Variants in TMEM150C observed in about 807,000 individuals in gnomAD.
The protein encoded by TMEM150C is transmembrane protein 150C.
In TMEM150C, 10 loss-of-function variants were observed where a neutral mutation model predicts 29.9. That is an observed-to-expected ratio of 0.33 (90% confidence interval 0.21 to 0.57). The LOEUF (loss-of-function observed/expected upper bound fraction) is 0.57. TMEM150C is among the 20% of genes least tolerant of loss of function. The pLI is 0.88. For synonymous variants in TMEM150C, 101 were observed against 112.5 expected (o/e 0.90, Z 0.64); for missense variants, 251 against 303.6 (o/e 0.83, Z 1.29).
chr4:82,504,888 G>A (rs1020544718), intron 1 of TMEM150C, among the ~76,000 whole-genome samples: 2 of 152,060 alleles, frequency 1.3e-5, no homozygotes, highest in Admixed American at 6.6e-5. Flanking sequence ...ACAATAGCCG[G>A]GCGTGGTGGC....
rs980317613 is a variant in TMEM150C at position 82,485,302 on chromosome 4, T to C, written c.*209A>G. 6 of 558,432 alleles carry C rather than the reference T, an allele frequency of 1.1e-5. No homozygotes were observed. The highest frequency in any genetic ancestry group is 9.4e-5 in the African/African-American group (5 of 52,912). 34.6% of individuals were successfully genotyped at this position (558,432 alleles called of 1,614,324 possible). A position where few individuals can be genotyped will look rare whatever the true frequency, so the allele number is the denominator to read the frequency against. On this transcript the variant is annotated 3_prime_UTR_variant, in exon 8 of 8. Coordinates refer to ENST00000449862, the MANE Select transcript of TMEM150C (RefSeq NM_001080506.3). ...TGCTCTGTCGTGCATATATTTTCAG[T>C]GTAACAGCGTGTATTTCGACACATA...
At chr4:82,505,773 T>G (rs369892549) in intron 1 of TMEM150C, among the ~76,000 whole-genome samples, 1 of 152,080 alleles carries the variant, frequency 6.6e-6, no homozygotes, top group African/African-American at 2.4e-5. Context: ...TACAAAAATA[T>G]AGAAATAAAA....
chr4:82,538,295 T>C (rs1416849700), intron 1 of TMEM150C, among the ~76,000 whole-genome samples: 1 of 152,180 alleles, frequency 6.6e-6, no homozygotes, highest in Non-Finnish European at 1.5e-5. Flanking sequence ...TGACCTCAAA[T>C]GATCCACCCA....
intron 1 of TMEM150C, among the ~76,000 whole-genome samples, chr4:82,544,711 A>G (rs2056184): frequency 6.6e-6 from 1 of 151,402 alleles, no homozygotes; most frequent in Non-Finnish European, 1.5e-5. Context: ...CCAGGCAGGT[A>G]GAGGCTGCAG....
At chr4:82,531,883 T>C (rs1170209900) in intron 1 of TMEM150C, among the ~76,000 whole-genome samples, 1 of 150,760 alleles carries the variant, frequency 6.6e-6, no homozygotes, top group Admixed American at 6.6e-5. Context: ...GTCCTTAGAG[T>C]TCAACCAGGA....
In TMEM150C at chr4:82,503,124, G is replaced by T; in HGVS notation, c.81-12C>A. 1 of 1,573,370 alleles carries T rather than the reference G, an allele frequency of 6.4e-7. No homozygotes were observed. The highest frequency in any genetic ancestry group is 8.7e-7 in the Non-Finnish European group (1 of 1,150,334). ...CAGCTATGAAGTATCTATCAAAAAA[G>T]AATAAGTTTATAGAACAAAGAAATT... On this transcript the variant is annotated splice_polypyrimidine_tract_variant and intron_variant, in intron 2 of 7. Coordinates refer to ENST00000449862, the MANE Select transcript of TMEM150C (RefSeq NM_001080506.3).
intron 1 of TMEM150C, among the ~76,000 whole-genome samples, chr4:82,549,718 C>T (rs1725507000): frequency 6.6e-6 from 1 of 152,176 alleles, no homozygotes; most frequent in Non-Finnish European, 1.5e-5. Flanking sequence ...TTGTAATCAT[C>T]TCTTTATTGG....
intron 7 of TMEM150C, among the ~76,000 whole-genome samples, chr4:82,486,229 T>G (rs957346844): frequency 2.7e-5 from 4 of 149,532 alleles, no homozygotes; most frequent in African/African-American, 9.9e-5. Flanking sequence ...TCCAAAGTAA[T>G]TAGTTTGCCA....
chr4:82,491,370 G>A (rs952568998), intron 6 of TMEM150C: 1 of 641,238 alleles, frequency 1.6e-6, no homozygotes, highest in East Asian at 2.7e-5. Context: ...TCCAGGGCCT[G>A]GGTGAACTGG....
intron 6 of TMEM150C, chr4:82,491,436 G>A (rs1578119977): frequency 2.9e-6 from 2 of 678,448 alleles, no homozygotes; most frequent in East Asian, 2.6e-5. Context: ...GAGGATGGCT[G>A]TCTGCCACTG....
At chr4:82,550,665 G>A (rs778716933) in intron 1 of TMEM150C, among the ~76,000 whole-genome samples, 4 of 151,954 alleles carry the variant, frequency 2.6e-5, no homozygotes, top group Non-Finnish European at 5.9e-5. Context: ...GGCGGGCACC[G>A]GTAGTCCCAG....
intron 1 of TMEM150C, among the ~76,000 whole-genome samples, chr4:82,524,176 G>A (rs1265800306): frequency 6.6e-6 from 1 of 151,858 alleles, no homozygotes; most frequent in African/African-American, 2.4e-5. Context: ...GCTGAGGCAG[G>A]AGAATGGCGT....
intron 1 of TMEM150C, among the ~76,000 whole-genome samples, chr4:82,547,174 A>G (rs1725410663): frequency 6.6e-6 from 1 of 152,166 alleles, no homozygotes; most frequent in African/African-American, 2.4e-5. Context: ...AATATCCAGA[A>G]TTTATAAGAA....
intron 1 of TMEM150C, among the ~76,000 whole-genome samples, chr4:82,514,645 C>T (rs1724234174): frequency 6.6e-6 from 1 of 152,190 alleles, no homozygotes; most frequent in Non-Finnish European, 1.5e-5. Context: ...TCTCTTCTTC[C>T]ACTGTGTCAG....
chr4:82,506,463 A>G (rs201402642), intron 1 of TMEM150C, among the ~76,000 whole-genome samples: 1 of 152,218 alleles, frequency 6.6e-6, no homozygotes, highest in East Asian at 1.9e-4. Context: ...AATAGAGTTG[A>G]AAGATATTAG....
intron 1 of TMEM150C, among the ~76,000 whole-genome samples, chr4:82,561,351 A>C (rs1347997239): frequency 6.6e-6 from 1 of 152,212 alleles, no homozygotes; most frequent in Non-Finnish European, 1.5e-5. Flanking sequence ...TTTAGAGTGG[A>C]GGGCGGTACA....
chr4:82,561,695 C>T (rs1725937976), intron 1 of TMEM150C, among the ~76,000 whole-genome samples: 1 of 143,066 alleles, frequency 7.0e-6, no homozygotes, highest in Non-Finnish European at 1.5e-5. Flanking sequence ...CGTGCGCCCG[C>T]GGAGGGCTCG....
At chr4:82,559,538 G>A (rs377408382) in intron 1 of TMEM150C, among the ~76,000 whole-genome samples, 3 of 152,284 alleles carry the variant, frequency 2.0e-5, no homozygotes, top group African/African-American at 7.2e-5. Flanking sequence ...CTGGGCGAGA[G>A]AGTGAGACTC....
intron 1 of TMEM150C, among the ~76,000 whole-genome samples, chr4:82,532,794 T>A (rs966365461): frequency 2.6e-5 from 4 of 151,652 alleles, no homozygotes; most frequent in African/African-American, 9.7e-5. Flanking sequence ...AGTGGCACGA[T>A]CTCCGCTCAC....
Sources: allele counts gnomAD v4.1 joint callset (sites outside exome capture counted in the v4.1 genomes callset), GRCh38; gene constraint gnomAD v4.1.1; transcripts MANE v1.5; gene names NCBI Gene and HGNC (gene_info 2026-07-23, HGNC 2026-07-21).